Variants in IGFBP5 observed in about 807,000 individuals in gnomAD.
The protein encoded by IGFBP5 is insulin like growth factor binding protein 5.
IGFBP5 carries 12 observed loss-of-function variants against 28.0 expected under a neutral mutation model. The ratio of observed to expected loss-of-function variants is 0.43; its 90% CI spans 0.27 to 0.69. The LOEUF (loss-of-function observed/expected upper bound fraction) is 0.69, where lower values mean the gene tolerates loss of function less well. IGFBP5 is among the 30% of genes least tolerant of loss of function. The probability of loss-of-function intolerance (pLI) is 0.20; values close to 1 mark genes in which losing one functional copy is unlikely to be tolerated. For synonymous variants in IGFBP5, 152 were observed against 150.2 expected (o/e 1.01, Z -0.09); for missense variants, 344 against 381.6 (o/e 0.90, Z 0.82).
chr2:216,689,664 C>T (rs1214163992), intron 1 of IGFBP5, among the ~76,000 whole-genome samples: 1 of 152,226 alleles, frequency 6.6e-6, no homozygotes, highest in Admixed American at 6.5e-5. Context: ...AGTCCCAGCC[C>T]CTTGTCTGTC....
chr2:216,681,128 G>A (rs537668073), intron 1 of IGFBP5, among the ~76,000 whole-genome samples: 21 of 152,272 alleles, frequency 1.4e-4, no homozygotes, highest in Admixed American at 9.8e-4. Context: ...CAGGCCTCAC[G>A]CCAAGGCTCA....
rs1393851336 is a variant in IGFBP5 at position 216,679,046 on chromosome 2, G to A, written c.371C>T (p.Thr124Ile). 2 of 1,614,188 alleles carry A rather than the reference G, an allele frequency of 1.2e-6. No individual in the cohort carries two copies. The highest frequency in any genetic ancestry group is 1.1e-5 in the South Asian group (1 of 91,080). The change falls in exon 2 of 4, where the codon ACC (threonine) becomes ATC (isoleucine). Residue 124 changes from threonine (T) to isoleucine (I), a missense_variant. Thr to Ile is a moderately conservative substitution (Grantham distance 89, BLOSUM62 -1). Around this residue, in one of 3 missense-constraint regions of IGFBP5, gnomAD observed 304 missense variants for 329.2 expected, o/e 0.92. Transcript: ENST00000233813. This position sits in a 1 kb window ranked among gnomAD's most constrained non-coding sequence, Gnocchi z 4.6. The stretch of plus-strand genomic sequence containing the variant: ...GTAGGTCTCCTCGGCCATCTCAGAG[G>A]TGGTGGGCTCCTCGTGCTCACGGGA... ...RDSREHEEPT[T>I]SEMAEETYSP...
chr2:216,690,180 C>A (rs1209083885), intron 1 of IGFBP5, among the ~76,000 whole-genome samples: 6 of 152,174 alleles, frequency 3.9e-5, no homozygotes, highest in African/African-American at 1.4e-4. Flanking sequence ...GTCCTGATTG[C>A]AATTTAAGGA....
intron 1 of IGFBP5, among the ~76,000 whole-genome samples, chr2:216,680,900 T>C (rs574956975): frequency 1.3e-5 from 2 of 152,314 alleles, no homozygotes; most frequent in South Asian, 4.2e-4. Context: ...ACCTCGATTC[T>C]GCTCTATCAG....
chr2:216,674,491 T>G lies in IGFBP5; in HGVS notation c.*2260A>C, dbSNP rs1210534247. The G allele has an allele frequency of 6.6e-6, 1 of 152,376 alleles. No homozygotes were observed. The highest frequency in any genetic ancestry group is 2.4e-5 in the African/African-American group (1 of 41,452). The allele number at this position is 152,376 out of a possible 1,614,324, so 9.4% of individuals were successfully genotyped here. A position where few individuals can be genotyped will look rare whatever the true frequency, so the allele number is the denominator to read the frequency against. ...GGGTTCCCATCAGTTGAAACAGATT[T>G]GCTTTTTCGCTATTCCTCTTCGTAG... On this transcript the variant is annotated 3_prime_UTR_variant, in exon 4 of 4. Coordinates refer to ENST00000233813, the MANE Select transcript of IGFBP5 (RefSeq NM_000599.4). The surrounding 1 kb of genome is among the most constrained non-coding windows in gnomAD (Gnocchi z 4.4).
intron 1 of IGFBP5, among the ~76,000 whole-genome samples, chr2:216,682,162 A>G (rs1006760273): frequency 2.0e-5 from 3 of 152,224 alleles, no homozygotes; most frequent in Non-Finnish European, 2.9e-5. Flanking sequence ...AGCAGGCTTA[A>G]CATTTTGATG....
chr2:216,681,173 C>T (rs1262953677), intron 1 of IGFBP5, among the ~76,000 whole-genome samples: 1 of 152,126 alleles, frequency 6.6e-6, no homozygotes, highest in South Asian at 2.1e-4. Flanking sequence ...AGAGGGAGTG[C>T]TAACCATTGC....
At chr2:216,686,435 A>T (rs1374411315) in intron 1 of IGFBP5, among the ~76,000 whole-genome samples, 1 of 152,076 alleles carries the variant, frequency 6.6e-6, no homozygotes, top group East Asian at 1.9e-4. Flanking sequence ...CTTTGGCAAC[A>T]CAGCAAGACC....
intron 1 of IGFBP5, among the ~76,000 whole-genome samples, chr2:216,690,317 T>A (rs1294496795): frequency 6.6e-6 from 1 of 152,224 alleles, no homozygotes; most frequent in Non-Finnish European, 1.5e-5. Flanking sequence ...CCTTCTGCTC[T>A]GGCCCCTGGT....
Position 216,694,827 on chromosome 2 carries a change from C to T in IGFBP5, c.-52G>A. 7.8e-7 allele frequency: 1 copy of T among 1,279,536 alleles called. No individual in the cohort carries two copies. The highest frequency in any genetic ancestry group is 3.1e-5 in the East Asian group (1 of 32,448). The allele number at this position is 1,279,536 out of a possible 1,614,324, so 79.3% of individuals were successfully genotyped here. ...GGGGTGGGGCAGGAGAGCGAGAGTGCAGGGATAAAGGGGCCAAGAGGGCCC... is the reference window on the plus strand; with the variant it reads ...GGGGTGGGGCAGGAGAGCGAGAGTGTAGGGATAAAGGGGCCAAGAGGGCCC... On this transcript the variant is annotated 5_prime_UTR_variant, in exon 1 of 4. Coordinates refer to ENST00000233813, the MANE Select transcript of IGFBP5 (RefSeq NM_000599.4). This position sits in a 1 kb window ranked among gnomAD's most constrained non-coding sequence, Gnocchi z 5.2.
At position 216,678,849 on chromosome 2, in the gene IGFBP5, C is replaced by G; in HGVS notation, c.567+1G>C. 6.2e-7 allele frequency: 1 copy of G among 1,610,984 alleles called. No homozygotes were observed. Among genetic ancestry groups the G allele is most frequent in the Middle Eastern group, 1.7e-4 (1 of 6,058 alleles). Reference sequence around the variant, plus strand: ...GGAATGAGGGAATCCCCGAGATGCACCTGCTCAGACTCCTGTCTCATCTCA... The same window carrying G: ...GGAATGAGGGAATCCCCGAGATGCAGCTGCTCAGACTCCTGTCTCATCTCA... On this transcript the variant is annotated splice_donor_variant, in intron 2 of 3. Transcript: ENST00000233813. LOFTEE classifies it high-confidence loss of function.
chr2:216,676,905 C>T (rs568286997), intron 3 of IGFBP5, 23 bp from the exon 4 acceptor site: 41 of 1,611,912 alleles, frequency 2.5e-5, no homozygotes, highest in South Asian at 1.7e-4. Context: ...GAGCAACAGG[C>T]GGTGAGGACG....
chr2:216,680,126 G>C (rs1328863750), intron 1 of IGFBP5, among the ~76,000 whole-genome samples: 3 of 152,104 alleles, frequency 2.0e-5, no homozygotes, highest in Non-Finnish European at 4.4e-5. Flanking sequence ...TTAGATTGTT[G>C]TTTCCAGGCG....
chr2:216,676,707 G>C lies in IGFBP5; in HGVS notation c.*44C>G. Reference sequence around the variant, plus strand: ...GAGGGAGGCGCTGGCTGGAGTCGGGGCTGGGGGTGGGAGGGGGTGAGGGAA... The same window carrying C: ...GAGGGAGGCGCTGGCTGGAGTCGGGCCTGGGGGTGGGAGGGGGTGAGGGAA... On this transcript the variant is annotated 3_prime_UTR_variant, in exon 4 of 4. Coordinates refer to ENST00000233813, the MANE Select transcript of IGFBP5 (RefSeq NM_000599.4). 2 of 1,408,322 alleles carry C rather than the reference G, an allele frequency of 1.4e-6. No homozygotes were observed. Among genetic ancestry groups the C allele is most frequent in the East Asian group, 4.8e-5 (2 of 41,580 alleles). The allele number at this position is 1,408,322 out of a possible 1,614,324, so 87.2% of individuals were successfully genotyped here.
intron 1 of IGFBP5, among the ~76,000 whole-genome samples, chr2:216,683,608 G>A (rs1689004879): frequency 6.6e-6 from 1 of 152,110 alleles, no homozygotes; most frequent in African/African-American, 2.4e-5. Context: ...ACCTCCAACT[G>A]GAAAATGATC....
chr2:216,687,666 T>C (rs1486706495), intron 1 of IGFBP5, among the ~76,000 whole-genome samples: 1 of 152,230 alleles, frequency 6.6e-6, no homozygotes, highest in African/African-American at 2.4e-5. Flanking sequence ...AGTGTCTGTC[T>C]GTTCCTCATA....
Position 216,694,733 on chromosome 2 carries a change from C to T in IGFBP5, c.43G>A (p.Ala15Thr). The T allele has an allele frequency of 6.9e-7, 1 of 1,449,048 alleles. No homozygotes were observed. Among genetic ancestry groups the T allele is most frequent in the Non-Finnish European group, 9.0e-7 (1 of 1,105,234 alleles). 89.8% of individuals were successfully genotyped at this position (1,449,048 alleles called of 1,614,324 possible). Reference protein sequence around the residue: ...TAVLLLLAAYAGPAQSLGSFV... With the variant: ...TAVLLLLAAYTGPAQSLGSFV... Reference sequence around the variant, plus strand: ...GAGCCCAGGCTCTGGGCCGGCCCCGCATAGGCGGCCAGCAGCAGGAGGACC... The same window carrying T: ...GAGCCCAGGCTCTGGGCCGGCCCCGTATAGGCGGCCAGCAGCAGGAGGACC... Residue 15 changes from alanine (A) to threonine (T), a missense_variant, in exon 1 of 4, where the codon GCG becomes ACG. By Grantham distance (58) the Ala-to-Thr change is moderately conservative (BLOSUM62 0). This residue lies in a region of IGFBP5 where 304 missense variants were observed against 329.2 expected (regional missense o/e 0.92). Transcript: ENST00000233813. This position sits in a 1 kb window ranked among gnomAD's most constrained non-coding sequence, Gnocchi z 5.2.
Position 216,675,332 on chromosome 2 carries a change from A to G in IGFBP5, c.*1419T>C, listed in dbSNP as rs1688881830. ...GCTTCCAAAAATGCACATTCTGTTC[A>G]GATGAAAGGAAAAGGCTGGGGTGGG... On this transcript the variant is annotated 3_prime_UTR_variant, in exon 4 of 4. Coordinates refer to ENST00000233813, the MANE Select transcript of IGFBP5 (RefSeq NM_000599.4). 1 of 152,594 alleles carries G rather than the reference A, an allele frequency of 6.6e-6. No individual in the cohort carries two copies. The highest frequency in any genetic ancestry group is 2.1e-4 in the South Asian group (1 of 4,834). 9.5% of individuals were successfully genotyped at this position (152,594 alleles called of 1,614,324 possible).
At chr2:216,689,558 T>A (rs964674459) in intron 1 of IGFBP5, among the ~76,000 whole-genome samples, 1 of 152,228 alleles carries the variant, frequency 6.6e-6, no homozygotes, top group Non-Finnish European at 1.5e-5. Flanking sequence ...AAGGCCTTAC[T>A]GCAGGTTAGC....
Sources: allele counts gnomAD v4.1 joint callset (sites outside exome capture counted in the v4.1 genomes callset), GRCh38; gene constraint gnomAD v4.1.1; regional missense constraint gnomAD v4.1.1; non-coding constraint Gnocchi (gnomAD v3.1); transcripts MANE v1.5; gene names NCBI Gene and HGNC (gene_info 2026-07-23, HGNC 2026-07-21).